Variants in ARHGEF38 observed in about 807,000 individuals in gnomAD.
ARHGEF38 encodes the protein Rho guanine nucleotide exchange factor (GEF) 38.
Under a neutral mutation model 79.9 loss-of-function variants are expected in ARHGEF38, and 79 were observed. That is an observed-to-expected ratio of 0.99 (90% confidence interval 0.82 to 1.19). The LOEUF is 1.19. Among genes scored for constraint, ARHGEF38 ranks in the 50% most tolerant of loss-of-function variants. The pLI is 0.00. For missense variants in ARHGEF38, 962 were observed against 907.2 expected (o/e 1.06, Z -0.78); for synonymous variants, 366 against 328.3 (o/e 1.11, Z -1.24).
At chr4:105,663,974 A>G (rs1347215128) in intron 10 of ARHGEF38, among the ~76,000 whole-genome samples, 1 of 151,572 alleles carries the variant, frequency 6.6e-6, no homozygotes, top group Admixed American at 6.6e-5. Flanking sequence ...CCGTCTCAAA[A>G]AAAAAAAAAA....
chr4:105,637,813 A>G (rs1430816437), intron 5 of ARHGEF38, among the ~76,000 whole-genome samples: 2 of 152,164 alleles, frequency 1.3e-5, no homozygotes, highest in African/African-American at 4.8e-5. Context: ...TACATACAGA[A>G]TACTTAAACA....
chr4:105,557,847 G>A (rs186356409), intron 1 of ARHGEF38, among the ~76,000 whole-genome samples: 201 of 152,104 alleles, frequency 1.3e-3, no homozygotes, highest in African/African-American at 4.6e-3. Flanking sequence ...CAACCAAGAC[G>A]GGTCGATTAC....
At chr4:105,648,957 G>A (rs1442791873) in intron 7 of ARHGEF38, among the ~76,000 whole-genome samples, 2 of 151,580 alleles carry the variant, frequency 1.3e-5, no homozygotes, top group Non-Finnish European at 1.5e-5. Flanking sequence ...AGAGAGACAC[G>A]GACATGGGAC....
intron 3 of ARHGEF38, among the ~76,000 whole-genome samples, chr4:105,615,511 T>C (rs1218873728): frequency 1.3e-5 from 2 of 152,198 alleles, no homozygotes; most frequent in Non-Finnish European, 2.9e-5. Flanking sequence ...TGTGCTGAAG[T>C]CAAAAACAAT....
At chr4:105,635,823 G>T (rs539590007) in intron 4 of ARHGEF38, among the ~76,000 whole-genome samples, 7 of 152,112 alleles carry the variant, frequency 4.6e-5, no homozygotes, top group Admixed American at 1.3e-4. Context: ...ATAATTCTGT[G>T]CTTGATTCCC....
intron 8 of ARHGEF38, 121 bp from the exon 9 acceptor site, chr4:105,655,482 C>T (rs1279750385): frequency 9.8e-7 from 1 of 1,020,320 alleles, no homozygotes; most frequent in Non-Finnish European, 1.4e-6. Context: ...GTTTGTTGTT[C>T]CTTTTTAAAT....
Position 105,678,330 on chromosome 4 carries a change from C to G in ARHGEF38, c.*393C>G, listed in dbSNP as rs149354403. On this transcript the variant is annotated 3_prime_UTR_variant, in exon 14 of 14. Coordinates refer to ENST00000420470, the MANE Select transcript of ARHGEF38 (RefSeq NM_001242729.2). Reference sequence around the variant, plus strand: ...AAATGTTTTTGTTTTTCATATTGCTCTCTTGCAAATGCATACATGTTTATA... The same window carrying G: ...AAATGTTTTTGTTTTTCATATTGCTGTCTTGCAAATGCATACATGTTTATA... 1.0e-2 allele frequency: 1,610 copies of G among 161,582 alleles called. 11 individuals are homozygous for G. The highest frequency in any genetic ancestry group is 0.017 in the Admixed American group (288 of 16,886). 10.0% of individuals were successfully genotyped at this position (161,582 alleles called of 1,614,324 possible).
chr4:105,566,459 A>G (rs904021477), intron 1 of ARHGEF38, among the ~76,000 whole-genome samples: 1 of 152,134 alleles, frequency 6.6e-6, no homozygotes, highest in Non-Finnish European at 1.5e-5. Flanking sequence ...GCATATATTT[A>G]TGGGTTACAT....
chr4:105,653,785 A>T (rs893475833), intron 7 of ARHGEF38, among the ~76,000 whole-genome samples: 4 of 152,232 alleles, frequency 2.6e-5, no homozygotes, highest in Non-Finnish European at 4.4e-5. Context: ...ACTACAGAGA[A>T]AGTTTTACAA....
At chr4:105,663,615 T>C (rs1398802937) in intron 10 of ARHGEF38, among the ~76,000 whole-genome samples, 1 of 152,210 alleles carries the variant, frequency 6.6e-6, no homozygotes, top group Non-Finnish European at 1.5e-5. Context: ...GATTCATTCG[T>C]GTTGTAGCAT....
chr4:105,602,547 G>A (rs1241233142), intron 2 of ARHGEF38, among the ~76,000 whole-genome samples: 1 of 152,168 alleles, frequency 6.6e-6, no homozygotes, highest in African/African-American at 2.4e-5. Context: ...CTAATTGAAT[G>A]TTGGAGATAG....
At chr4:105,593,839 T>C (rs1472940844) in intron 2 of ARHGEF38, among the ~76,000 whole-genome samples, 1 of 152,224 alleles carries the variant, frequency 6.6e-6, no homozygotes, top group Non-Finnish European at 1.5e-5. Flanking sequence ...ATTGGTGTCT[T>C]AGACCATGCC....
intron 1 of ARHGEF38, among the ~76,000 whole-genome samples, chr4:105,553,900 A>C (rs1725124048): frequency 1.3e-5 from 2 of 152,218 alleles, no homozygotes; most frequent in Non-Finnish European, 2.9e-5. Context: ...TGAGGTCAGA[A>C]AGACCGATAG....
intron 2 of ARHGEF38, among the ~76,000 whole-genome samples, chr4:105,600,510 G>C (rs1727775047): frequency 6.6e-6 from 1 of 152,062 alleles, no homozygotes; most frequent in Admixed American, 6.6e-5. Flanking sequence ...AGTAATTGAG[G>C]GCTCCGCCTG....
At chr4:105,613,350 T>G (rs1254501450) in intron 2 of ARHGEF38, 34 bp from the exon 3 acceptor site, 3 of 1,606,098 alleles carry the variant, frequency 1.9e-6, no homozygotes, top group Non-Finnish European at 2.6e-6. Flanking sequence ...AATACAGTGC[T>G]TCTCCATCAG....
chr4:105,659,580 C>G (rs1730479956), intron 10 of ARHGEF38, among the ~76,000 whole-genome samples: 1 of 152,224 alleles, frequency 6.6e-6, no homozygotes, highest in Non-Finnish European at 1.5e-5. Flanking sequence ...TTTACTGTGA[C>G]TTACACATTT....
At chr4:105,616,052 G>C (rs896072281) in intron 3 of ARHGEF38, among the ~76,000 whole-genome samples, 1 of 152,042 alleles carries the variant, frequency 6.6e-6, no homozygotes, top group Non-Finnish European at 1.5e-5. Flanking sequence ...CCAGTCAGTG[G>C]GGTTAATGGG....
intron 2 of ARHGEF38, among the ~76,000 whole-genome samples, chr4:105,606,033 G>C (rs1728022847): frequency 6.6e-6 from 1 of 152,046 alleles, no homozygotes; most frequent in Admixed American, 6.6e-5. Context: ...ATCTAATTTA[G>C]AGGATGCATC....
Position 105,659,204 on chromosome 4 carries a change from G to A in ARHGEF38, c.1384G>A (p.Ala462Thr). The change falls in exon 10 of 14, where the codon GCC becomes ACC. Residue 462 changes from alanine to threonine, a missense_variant. By Grantham distance (58) the Ala-to-Thr change is moderately conservative. Coordinates refer to ENST00000420470, the MANE Select transcript of ARHGEF38 (RefSeq NM_001242729.2). Reference protein sequence around the residue: ...QRSTGEESDLAKKEYEALNAQ... With the variant: ...QRSTGEESDLTKKEYEALNAQ... ...ATCAACGGGAGAGGAGTCAGACTTG[G>A]CCAAAAAGGAGTATGAGGCCCTCAA... 6.5e-7 allele frequency: 1 copy of A among 1,536,078 alleles called. No homozygotes were observed. The highest frequency in any genetic ancestry group is 8.7e-7 in the Non-Finnish European group (1 of 1,146,876).
Sources: allele counts gnomAD v4.1 joint callset (sites outside exome capture counted in the v4.1 genomes callset), GRCh38; gene constraint gnomAD v4.1.1; transcripts MANE v1.5; gene names NCBI Gene and HGNC (gene_info 2026-07-23, HGNC 2026-07-21).